MRPL21: variants seen among roughly 807,000 people sequenced by gnomAD.
MRPL21 encodes mitochondrial ribosomal protein L21.
A neutral mutation model predicts 27.3 loss-of-function variants in MRPL21; 20 were observed. The observed-to-expected ratio is 0.73, with a 90% CI of 0.52 to 1.06. The LOEUF is 1.06. Among genes scored for constraint, MRPL21 ranks in the 50% least tolerant of loss-of-function variants. The probability of loss-of-function intolerance (pLI) is 0.00; values close to 1 mark genes in which losing one functional copy is unlikely to be tolerated. For missense variants in MRPL21, 249 were observed against 251.4 expected, an observed-to-expected ratio of 0.99 and a Z score of 0.06; for synonymous variants, 98 against 101.5, an observed-to-expected ratio of 0.97 and a Z score of 0.21.
chr11:68,893,163 C>G (rs1031009059), intron 5 of MRPL21, among the ~76,000 whole-genome samples, 170 bp from the exon 6 acceptor site: 7 of 152,146 alleles, frequency 4.6e-5, no homozygotes, highest in African/African-American at 9.7e-5. Context: ...AAGAACAGTT[C>G]CAGGGAGTCT....
At chr11:68,897,058 G>A (rs1040530054) in intron 3 of MRPL21, among the ~76,000 whole-genome samples, 3 of 152,206 alleles carry the variant, frequency 2.0e-5, no homozygotes, top group African/African-American at 7.2e-5. Flanking sequence ...TGAGAATGAG[G>A]AGCCAGCAGA....
chr11:68,896,703 GCAGTCACCCTCACCTGCTCCCC>G (rs1328656064), intron 3 of MRPL21, 25 bp from the exon 4 acceptor site: 1 of 1,611,942 alleles, frequency 6.2e-7, no homozygotes, highest in Non-Finnish European at 8.5e-7. Context: ...GGGTGGGTGG[GCAGTCACCCTCACCTGCTCCCC>G]CACGCGCTGC....
intron 6 of MRPL21, 43 bp downstream of exon 6, chr11:68,892,847 C>T (rs1857682767): frequency 1.9e-6 from 3 of 1,593,498 alleles, no homozygotes; most frequent in Non-Finnish European, 2.6e-6. Context: ...CCTGGGCAAC[C>T]AGCACCGTGC....
At position 68,896,763 on chromosome 11, in the gene MRPL21, G is replaced by T. The variant is rs559256841; in HGVS notation, c.233-85C>A. On this transcript the variant is annotated intron_variant, in intron 3 of 6. Coordinates refer to ENST00000362034, the MANE Select transcript of MRPL21 (RefSeq NM_181514.2). Reference sequence around the variant, plus strand: ...TGTGATGTGCAGCTCCTGGTGGTGGGGCCCTAGGGTGGACCTGACAGCCAG... The same window carrying T: ...TGTGATGTGCAGCTCCTGGTGGTGGTGCCCTAGGGTGGACCTGACAGCCAG... 122 of 1,561,812 alleles carry T rather than the reference G, an allele frequency of 7.8e-5. No homozygotes were observed. In the African/African-American group the frequency reaches 1.6e-3, roughly 20 times the overall value.
intron 2 of MRPL21, 26 bp downstream of exon 2, chr11:68,900,522 C>G: frequency 6.2e-7 from 1 of 1,605,112 alleles, no homozygotes. Flanking sequence ...GGAAAAGAGG[C>G]ACCAAAACCC....
chr11:68,892,797 T>C lies in MRPL21; in HGVS notation c.553+93A>G, dbSNP rs1198071351. The C allele has an allele frequency of 3.2e-6, 5 of 1,554,806 alleles. No individual in the cohort carries two copies. In the South Asian group the frequency reaches 5.9e-5, roughly 18 times the overall value. On this transcript the variant is annotated intron_variant, in intron 6 of 6. Transcript: ENST00000362034. Reference sequence around the variant, plus strand: ...GGTTGAGACCTGCCTGGGCTTCCTGTCCCGAGACCCACGTGCCCCACACCC... The same window carrying C: ...GGTTGAGACCTGCCTGGGCTTCCTGCCCCGAGACCCACGTGCCCCACACCC...
At chr11:68,893,368 GC>G in intron 5 of MRPL21, 34 bp downstream of exon 5, 1 of 1,613,926 alleles carries the variant, frequency 6.2e-7, no homozygotes, top group East Asian at 2.2e-5. Flanking sequence ...CAGCCCTGGA[GC>G]CCCAGACAAA....
At chr11:68,897,367 G>A (rs1857822387) in intron 3 of MRPL21, among the ~76,000 whole-genome samples, 1 of 152,234 alleles carries the variant, frequency 6.6e-6, no homozygotes, top group South Asian at 2.1e-4. Context: ...GTCAACACCA[G>A]AAGCACCAGC....
chr11:68,899,646 G>A (rs1857886223), intron 2 of MRPL21, among the ~76,000 whole-genome samples: 1 of 152,202 alleles, frequency 6.6e-6, no homozygotes, highest in South Asian at 2.1e-4. Flanking sequence ...CACGCTGGCA[G>A]GAAGGTGCTA....
intron 6 of MRPL21, chr11:68,891,963 T>C: frequency 2.7e-6 from 2 of 747,028 alleles, no homozygotes; most frequent in Non-Finnish European, 3.9e-6. Flanking sequence ...GCAGACCTGC[T>C]AGGACAGCCC....
Position 68,891,302 on chromosome 11 carries a change from T to C in MRPL21, c.*29A>G, listed in dbSNP as rs2154005358. The C allele has an allele frequency of 6.2e-7, 1 of 1,609,996 alleles. No individual in the cohort carries two copies. Among genetic ancestry groups the C allele is most frequent in the East Asian group, 2.2e-5 (1 of 44,858 alleles). On this transcript the variant is annotated 3_prime_UTR_variant, in exon 7 of 7. Transcript: ENST00000362034. ...CTCCTTGGGAAGCAGGAGTTTATTT[T>C]TATCCTTTTGTAAGTATTAACTCGG...
intron 3 of MRPL21, 72 bp from the exon 4 acceptor site, chr11:68,896,750 C>A: frequency 6.3e-7 from 1 of 1,585,232 alleles, no homozygotes; most frequent in Non-Finnish European, 8.6e-7. Context: ...TGATGTGCAG[C>A]TCCTGGTGGT....
intron 4 of MRPL21, among the ~76,000 whole-genome samples, chr11:68,893,793 G>A (rs989237342): frequency 2.6e-5 from 4 of 152,154 alleles, no homozygotes; most frequent in African/African-American, 4.8e-5. Context: ...TCTATCTCCG[G>A]CCAGGTGCGG....
chr11:68,894,342 G>A (rs903386995), intron 4 of MRPL21, among the ~76,000 whole-genome samples: 11 of 152,264 alleles, frequency 7.2e-5, no homozygotes, highest in African/African-American at 1.7e-4. Context: ...GTGCAGTGGC[G>A]TGATCTTGGC....
chr11:68,899,722 C>T (rs537688944), intron 2 of MRPL21, among the ~76,000 whole-genome samples: 1 of 152,296 alleles, frequency 6.6e-6, no homozygotes, highest in Non-Finnish European at 1.5e-5. Flanking sequence ...CAACTTCTTC[C>T]TATGCTCAGA....
At chr11:68,891,591 G>C (rs1488781302) in intron 6 of MRPL21, 196 bp from the exon 7 acceptor site, 11 of 625,240 alleles carry the variant, frequency 1.8e-5, no homozygotes, top group Middle Eastern at 8.7e-4. Context: ...AGGTGCAGAG[G>C]CTGGGACACC....
intron 5 of MRPL21, 148 bp downstream of exon 5, chr11:68,893,255 T>A: frequency 6.8e-7 from 1 of 1,466,848 alleles, no homozygotes; most frequent in South Asian, 1.4e-5. Flanking sequence ...GGGCCCTAAA[T>A]GTCCACTATT....
chr11:68,896,958 C>A (rs146337350), intron 3 of MRPL21: 3 of 495,616 alleles, frequency 6.1e-6, no homozygotes, highest in Middle Eastern at 5.4e-4. Flanking sequence ...CAAACCGCCT[C>A]ATGCAACTCC....
At chr11:68,901,236 A>G (rs866608018) in intron 1 of MRPL21, among the ~76,000 whole-genome samples, 58 of 152,296 alleles carry the variant, frequency 3.8e-4, no homozygotes, top group African/African-American at 1.3e-3. Flanking sequence ...AGATAACTAC[A>G]GCCCCTGCAG....
Sources: allele counts gnomAD v4.1 joint callset (sites outside exome capture counted in the v4.1 genomes callset), GRCh38; gene constraint gnomAD v4.1.1; transcripts MANE v1.5; gene names NCBI Gene and HGNC (gene_info 2026-07-23, HGNC 2026-07-21).